DLGAP2: variants seen among roughly 807,000 people sequenced by gnomAD.
DLGAP2 encodes disks large-associated protein 2.
In DLGAP2, 26 loss-of-function variants were observed where a neutral mutation model predicts 100.3. That is an observed-to-expected ratio of 0.26 (90% CI 0.19 to 0.36). The LOEUF (loss-of-function observed/expected upper bound fraction) is 0.36. DLGAP2 is among the 10% of genes least tolerant of loss of function. The pLI is 1.00. For missense variants in DLGAP2, 1,858 were observed against 1,453.2 expected (o/e 1.28, Z -4.53); for synonymous variants, 886 against 630.1 (o/e 1.41, Z -6.08).
chr8:1,059,039 G>A (rs961937054), intron 2 of DLGAP2, among the ~76,000 whole-genome samples: 4 of 152,150 alleles, frequency 2.6e-5, no homozygotes, highest in African/African-American at 4.8e-5. Flanking sequence ...AGACATAAAC[G>A]GAAGTCTCCA....
In DLGAP2 at chr8:1,701,129, G is replaced by T. The variant is rs1031608109; in HGVS notation, c.2950-59G>T. The T allele has an allele frequency of 3.4e-6, 5 of 1,491,176 alleles. No homozygotes were observed. In the East Asian group the frequency reaches 7.4e-5, roughly 22 times the overall value. The allele number at this position is 1,491,176 out of a possible 1,614,324, so 92.4% of individuals were successfully genotyped here. On this transcript the variant is annotated intron_variant, in intron 14 of 14. Transcript: ENST00000637795. ...GCCAGGCCCCAGGGCCGCTGAGCTC[G>T]CGAGCTGCTGGGACCCTCCTCCGAG...
chr8:1,111,549 C>G (rs1804959707), intron 2 of DLGAP2, among the ~76,000 whole-genome samples: 1 of 152,114 alleles, frequency 6.6e-6, no homozygotes, highest in South Asian at 2.1e-4. Context: ...GGTCCCCTCC[C>G]CGCTCCCATA....
At chr8:1,696,639 G>A (rs1366402448) in intron 13 of DLGAP2, among the ~76,000 whole-genome samples, 4 of 152,222 alleles carry the variant, frequency 2.6e-5, no homozygotes, top group African/African-American at 9.7e-5. Flanking sequence ...AAGTGTGGGC[G>A]CCGGTTGGTG....
chr8:1,489,181 C>G (rs1324909010), intron 3 of DLGAP2, among the ~76,000 whole-genome samples: 2 of 152,204 alleles, frequency 1.3e-5, no homozygotes, highest in African/African-American at 2.4e-5. Flanking sequence ...ACATTCCATG[C>G]TGAAGTTTGA....
At chr8:1,517,732 T>A (rs1800442870) in intron 4 of DLGAP2, among the ~76,000 whole-genome samples, 1 of 152,186 alleles carries the variant, frequency 6.6e-6, no homozygotes, top group African/African-American at 2.4e-5. Flanking sequence ...GCAGTTACGC[T>A]TGGAGTTTTG....
chr8:1,044,871 C>A (rs1396146642), intron 2 of DLGAP2, among the ~76,000 whole-genome samples: 1 of 152,156 alleles, frequency 6.6e-6, no homozygotes, highest in African/African-American at 2.4e-5. Context: ...CCCAATAATT[C>A]TTCCCTCTTG....
chr8:1,223,424 G>T (rs1203908927), intron 2 of DLGAP2, among the ~76,000 whole-genome samples: 5 of 152,250 alleles, frequency 3.3e-5, no homozygotes, highest in Admixed American at 2.6e-4. Context: ...TTCAGGGTGG[G>T]GAGAAGAAGT....
intron 2 of DLGAP2, among the ~76,000 whole-genome samples, chr8:1,061,209 C>T (rs1266432490): frequency 2.6e-5 from 4 of 152,176 alleles, no homozygotes; most frequent in Non-Finnish European, 1.5e-5. Context: ...AATCGTCGCC[C>T]ATCCCTCGTG....
intron 2 of DLGAP2, among the ~76,000 whole-genome samples, chr8:1,010,072 C>T (rs1004623709): frequency 6.6e-6 from 1 of 152,188 alleles, no homozygotes; most frequent in Non-Finnish European, 1.5e-5. Context: ...TATCAGTGAG[C>T]TAAGGACTTA....
At chr8:1,414,462 G>A (rs928685795) in intron 3 of DLGAP2, among the ~76,000 whole-genome samples, 4 of 152,234 alleles carry the variant, frequency 2.6e-5, no homozygotes, top group African/African-American at 9.6e-5. Context: ...ATGGGGACAT[G>A]AGGGACTGAC....
intron 3 of DLGAP2, chr8:1,368,878 T>A (rs1462305153): frequency 6.6e-6 from 1 of 152,206 alleles, no homozygotes; most frequent in African/African-American, 2.4e-5. Context: ...AAAGGTCAAA[T>A]TGACTGCGAT....
intron 1 of DLGAP2, among the ~76,000 whole-genome samples, chr8:829,345 C>T (rs996636598): frequency 2.0e-5 from 3 of 152,228 alleles, no homozygotes; most frequent in Non-Finnish European, 4.4e-5. Context: ...CCCATTTCAT[C>T]ACCCATGAAG....
chr8:1,683,050 C>G (rs955506236), intron 12 of DLGAP2, among the ~76,000 whole-genome samples: 1 of 151,426 alleles, frequency 6.6e-6, no homozygotes, highest in South Asian at 2.1e-4. Flanking sequence ...CTCCGATAGA[C>G]AAAAATGATG....
intron 3 of DLGAP2, among the ~76,000 whole-genome samples, chr8:1,310,132 A>G (rs1466580014): frequency 1.3e-5 from 2 of 151,988 alleles, no homozygotes; most frequent in African/African-American, 4.8e-5. Flanking sequence ...CTAGGGTTCT[A>G]TGTTTAATCC....
chr8:980,088 G>A (rs1010921056), intron 2 of DLGAP2, among the ~76,000 whole-genome samples: 3 of 152,214 alleles, frequency 2.0e-5, no homozygotes, highest in Admixed American at 6.5e-5. Context: ...TCGTGCATGG[G>A]ACACCAAGGC....
At chr8:1,386,840 A>C (rs968184214) in intron 3 of DLGAP2, among the ~76,000 whole-genome samples, 3 of 152,200 alleles carry the variant, frequency 2.0e-5, no homozygotes, top group Non-Finnish European at 2.9e-5. Flanking sequence ...ATGGAAAAAA[A>C]ATGCTATGAC....
At position 1,306,074 on chromosome 8, in the gene DLGAP2, CAAA is replaced by C. The variant is rs61647224; in HGVS notation, c.106+47207_106+47209del. Among the ~76,000 whole-genome samples, 134 of 116,416 alleles carry C rather than the reference CAAA, an allele frequency of 1.2e-3. 2 individuals carry two copies. The highest frequency in any genetic ancestry group is 2.3e-3 in the South Asian group (8 of 3,408). The allele number at this position is 116,416 out of a possible 152,430, so 76.4% of individuals were successfully genotyped here. ...AGAAGTCCTAGACAGAGAAATTAGG[CAAA>C]AAAAAAAAAAAAAAAGAGAGAGGGA... On this transcript the variant is annotated intron_variant, in intron 3 of 14. Coordinates refer to ENST00000637795, the MANE Select transcript of DLGAP2 (RefSeq NM_001346810.2).
At position 1,052,603 on chromosome 8, in the gene DLGAP2, A is replaced by G. The variant is rs139355056; in HGVS notation, c.73+144637A>G. 1.3e-4 allele frequency among the ~76,000 whole-genome samples: 20 copies of G among 152,250 alleles called. No individual in the cohort carries two copies. In the East Asian group the frequency reaches 3.9e-3, roughly 29 times the overall value. ...AGGTGGCATTTAGCTTTGGCCTCGAAAGATGGCTGGGGGATCATTAGCTTC... is the reference window on the plus strand; with the variant it reads ...AGGTGGCATTTAGCTTTGGCCTCGAGAGATGGCTGGGGGATCATTAGCTTC... On this transcript the variant is annotated intron_variant, in intron 2 of 14. Coordinates refer to ENST00000637795, the MANE Select transcript of DLGAP2 (RefSeq NM_001346810.2).
chr8:1,441,677 C>G (rs1341410435), intron 3 of DLGAP2, among the ~76,000 whole-genome samples: 3 of 141,344 alleles, frequency 2.1e-5, no homozygotes, highest in Non-Finnish European at 3.0e-5. Flanking sequence ...AACATAGACT[C>G]CATCTCAAAA....
Sources: gnomAD v4.1 joint callset for allele counts (sites outside exome capture counted in the v4.1 genomes callset) on GRCh38, gnomAD v4.1.1 for gene constraint, MANE v1.5 for transcripts, NCBI Gene and HGNC (gene_info 2026-07-23, HGNC 2026-07-21) for gene names.